The following NRXN3 variants were observed in gnomAD, a reference collection of about 807,000 sequenced individuals.
The protein encoded by NRXN3 is neurexin 3.
NRXN3 carries 32 observed loss-of-function variants against 137.6 expected under a neutral mutation model. The ratio of observed to expected loss-of-function variants is 0.23; its 90% CI spans 0.18 to 0.31. The LOEUF (loss-of-function observed/expected upper bound fraction) is 0.31, where lower values mean the gene tolerates loss of function less well. NRXN3 is among the 10% of genes least tolerant of loss of function. The probability of loss-of-function intolerance (pLI) is 1.00; values close to 1 mark genes in which losing one functional copy is unlikely to be tolerated. For synonymous variants in NRXN3, 798 were observed against 784.5 expected (o/e 1.02, Z -0.29); for missense variants, 1,574 against 2,062.5 (o/e 0.76, Z 4.59).
At chr14:78,309,793 A>G (rs2077758417) in intron 4 of NRXN3, among the ~76,000 whole-genome samples, 1 of 152,150 alleles carries the variant, frequency 6.6e-6, no homozygotes, top group Non-Finnish European at 1.5e-5. Context: ...TTTGGACAGC[A>G]ATTTTATAGT....
At chr14:79,783,393 G>A (rs1368990210) in intron 19 of NRXN3, among the ~76,000 whole-genome samples, 1 of 152,188 alleles carries the variant, frequency 6.6e-6, no homozygotes, top group Non-Finnish European at 1.5e-5. Context: ...TGAATCAGGT[G>A]AGCATTTTTA....
At chr14:79,076,907 G>T (rs1184277045) in intron 15 of NRXN3, among the ~76,000 whole-genome samples, 2 of 152,122 alleles carry the variant, frequency 1.3e-5, no homozygotes, top group Non-Finnish European at 1.5e-5. Flanking sequence ...CCAGCACATT[G>T]CCTGGTGCAT....
intron 15 of NRXN3, among the ~76,000 whole-genome samples, chr14:79,357,543 T>C (rs1441630913): frequency 1.3e-5 from 2 of 152,112 alleles, no homozygotes; most frequent in Non-Finnish European, 2.9e-5. Context: ...TACCGTTGAC[T>C]TCCAGGTGAC....
At chr14:79,113,417 C>A (rs114721111) in intron 15 of NRXN3, among the ~76,000 whole-genome samples, 90 of 152,260 alleles carry the variant, frequency 5.9e-4, no homozygotes, top group Middle Eastern at 3.4e-3. Flanking sequence ...CCATCAATTA[C>A]CCCCTCTTGA....
intron 10 of NRXN3, among the ~76,000 whole-genome samples, chr14:78,851,628 C>A (rs548493168): frequency 2.6e-5 from 4 of 152,168 alleles, no homozygotes; most frequent in Non-Finnish European, 4.4e-5. Flanking sequence ...TTAGTCGTCT[C>A]CCAGACTCTA....
Position 79,697,931 on chromosome 14 carries a change from C to A in NRXN3, c.4008C>A (p.Ser1336Arg), listed in dbSNP as rs765099136. 1.9e-6 allele frequency: 3 copies of A among 1,608,464 alleles called. No homozygotes were observed. Among genetic ancestry groups the A allele is most frequent in the South Asian group, 1.1e-5 (1 of 90,974 alleles). The change falls in exon 19 of 21, where the codon AGC becomes AGA. Residue 1336 changes from serine (S) to arginine (R), a missense_variant. Around this residue, in one of 5 missense-constraint regions of NRXN3, gnomAD observed 320 missense variants for 387.1 expected, o/e 0.83. Transcript: ENST00000335750. ...CCCGTAAGAATCGCTCTACAGCCAGCATTCAGGTAGGCCTTTTTCCAAGTA... is the reference window on the plus strand; with the variant it reads ...CCCGTAAGAATCGCTCTACAGCCAGAATTCAGGTAGGCCTTTTTCCAAGTA... ...TTTRKNRSTASIQPTSDDLVS... is the reference protein window; with the variant it reads ...TTTRKNRSTARIQPTSDDLVS...
At chr14:78,262,809 T>G (rs1280053075) in intron 2 of NRXN3, among the ~76,000 whole-genome samples, 2 of 152,222 alleles carry the variant, frequency 1.3e-5, no homozygotes, top group Admixed American at 1.3e-4. Flanking sequence ...AGCCTGATTC[T>G]TGATGGGCCA....
At chr14:78,636,139 A>G (rs938979894) in intron 4 of NRXN3, among the ~76,000 whole-genome samples, 4 of 152,216 alleles carry the variant, frequency 2.6e-5, no homozygotes, top group Non-Finnish European at 5.9e-5. Flanking sequence ...TGTAATAGAC[A>G]TAAGAGTCAA....
chr14:78,979,018 C>A (rs1345810645), intron 14 of NRXN3, among the ~76,000 whole-genome samples: 1 of 151,902 alleles, frequency 6.6e-6, no homozygotes, highest in African/African-American at 2.4e-5. Flanking sequence ...ATATGGCTAT[C>A]TCACCTCAAG....
Position 78,988,014 on chromosome 14 carries a change from A to G in NRXN3, c.3143-8A>G, listed in dbSNP as rs758665338. On this transcript the variant is annotated splice_region_variant and splice_polypyrimidine_tract_variant and intron_variant, in intron 14 of 20. Transcript: ENST00000335750. ...TTCTTTTTTTCCCCTCTTCTTGTGCATTACTAGGACCCAGTACCACCTGCC... is the reference window on the plus strand; with the variant it reads ...TTCTTTTTTTCCCCTCTTCTTGTGCGTTACTAGGACCCAGTACCACCTGCC... 1 of 1,608,734 alleles carries G rather than the reference A, an allele frequency of 6.2e-7. No individual in the cohort carries two copies. Among genetic ancestry groups the G allele is most frequent in the Admixed American group, 1.7e-5 (1 of 59,056 alleles).
At chr14:78,255,914 C>G (rs2069500960) in intron 2 of NRXN3, among the ~76,000 whole-genome samples, 1 of 152,158 alleles carries the variant, frequency 6.6e-6, no homozygotes, top group Admixed American at 6.5e-5. Context: ...ATAAATTAAT[C>G]AATGAAGTCA....
intron 4 of NRXN3, among the ~76,000 whole-genome samples, chr14:78,523,374 T>C (rs1183660988): frequency 6.6e-6 from 1 of 152,214 alleles, no homozygotes; most frequent in East Asian, 1.9e-4. Flanking sequence ...CTTTTGTTCA[T>C]AACTCGCAAT....
intron 15 of NRXN3, among the ~76,000 whole-genome samples, chr14:79,206,025 C>T (rs150946962): frequency 1.1e-4 from 17 of 152,242 alleles, no homozygotes; most frequent in African/African-American, 4.1e-4. Flanking sequence ...GAAGAACATG[C>T]ATGGAGGAAC....
chr14:79,466,688 T>C (rs997906841), intron 15 of NRXN3, among the ~76,000 whole-genome samples: 4 of 152,178 alleles, frequency 2.6e-5, no homozygotes, highest in African/African-American at 9.6e-5. Flanking sequence ...CTTGGTTTTC[T>C]TGGGCCACTG....
chr14:78,170,909 G>T (rs1432608543), intron 1 of NRXN3, among the ~76,000 whole-genome samples: 1 of 149,770 alleles, frequency 6.7e-6, no homozygotes, highest in Non-Finnish European at 1.5e-5. Context: ...TCCTCCAGAT[G>T]TTGGAAAAGT....
intron 10 of NRXN3, among the ~76,000 whole-genome samples, chr14:78,911,583 TG>T (rs2099237837): frequency 6.6e-6 from 1 of 152,220 alleles, no homozygotes; most frequent in Non-Finnish European, 1.5e-5. Context: ...GGATAGGCAA[TG>T]TGGCATTCCT....
In NRXN3 at chr14:78,943,615, A is replaced by AT. The variant is rs2099357759; in HGVS notation, c.2276-13627_2276-13626insT. Among the ~76,000 whole-genome samples the AT allele has an allele frequency of 1.6e-4, 7 of 42,486 alleles. 1 individual carries two copies. The highest frequency in any genetic ancestry group is 1.2e-3 in the South Asian group (1 of 818). 27.9% of individuals were successfully genotyped at this position (42,486 alleles called of 152,430 possible). On this transcript the variant is annotated intron_variant, in intron 10 of 20. Transcript: ENST00000335750. ...AAAAGAAGCAAGATCACTGTTAAAA[A>AT]AAAAAAATATATATATATATATATA...
chr14:78,565,032 A>G (rs879667507), intron 4 of NRXN3, among the ~76,000 whole-genome samples: 4 of 152,176 alleles, frequency 2.6e-5, no homozygotes, highest in Non-Finnish European at 5.9e-5. Context: ...GCTATTTTGT[A>G]TGACCATATG....
At chr14:78,630,673 T>C (rs57609667) in intron 4 of NRXN3, among the ~76,000 whole-genome samples, 14,571 of 151,434 alleles carry the variant, frequency 0.096, 1,023 homozygotes, top group African/African-American at 0.19. Context: ...GGCGCGATCT[T>C]GGCTCACGGC....
Sources: allele counts gnomAD v4.1 joint callset (sites outside exome capture counted in the v4.1 genomes callset), GRCh38; gene constraint gnomAD v4.1.1; regional missense constraint gnomAD v4.1.1; transcripts MANE v1.5; gene names NCBI Gene and HGNC (gene_info 2026-07-23, HGNC 2026-07-21).